The following SLC25A21 variants were observed in gnomAD, a reference collection of about 807,000 sequenced individuals.
SLC25A21 encodes solute carrier family 25 member 21, also known as mitochondrial 2-oxodicarboxylate carrier.
In SLC25A21, 47 loss-of-function variants were observed where a neutral mutation model predicts 43.8. The ratio of observed to expected loss-of-function variants is 1.07; its 90% CI spans 0.85 to 1.37. The LOEUF is 1.37. Ranked by LOEUF, SLC25A21 falls within the 40% of genes most tolerant of loss-of-function variation. SLC25A21 has a pLI of 0.00. For synonymous variants in SLC25A21, 131 were observed against 121.3 expected, an observed-to-expected ratio of 1.08 and a Z score of -0.52; for missense variants, 352 against 350.2, an observed-to-expected ratio of 1.00 and a Z score of -0.04.
At chr14:37,056,475 C>T (rs1173119540) in intron 1 of SLC25A21, among the ~76,000 whole-genome samples, 1 of 146,360 alleles carries the variant, frequency 6.8e-6, no homozygotes, top group Non-Finnish European at 1.5e-5. Context: ...TGGGCGACAG[C>T]GAGACTCCAT....
At chr14:37,100,232 T>C (rs1369645591) in intron 1 of SLC25A21, among the ~76,000 whole-genome samples, 1 of 152,128 alleles carries the variant, frequency 6.6e-6, no homozygotes, top group Non-Finnish European at 1.5e-5. Flanking sequence ...CTAATTTTTG[T>C]ATTTTTAGTA....
At chr14:37,008,217 G>T (rs550600396) in intron 1 of SLC25A21, among the ~76,000 whole-genome samples, 1 of 152,268 alleles carries the variant, frequency 6.6e-6, no homozygotes, top group South Asian at 2.1e-4. Flanking sequence ...ACTCATGGTT[G>T]AAAGAGACTA....
At chr14:37,073,087 G>A (rs1962207227) in intron 1 of SLC25A21, among the ~76,000 whole-genome samples, 1 of 152,180 alleles carries the variant, frequency 6.6e-6, no homozygotes. Context: ...AACAGCTAGT[G>A]CAAATAGATC....
chr14:37,154,091 A>G (rs1323792514), intron 1 of SLC25A21, among the ~76,000 whole-genome samples: 1 of 152,082 alleles, frequency 6.6e-6, no homozygotes, highest in Non-Finnish European at 1.5e-5. Flanking sequence ...AGTAACCACA[A>G]GTACAGGTGG....
At chr14:36,787,859 A>C (rs1369640516) in intron 3 of SLC25A21, among the ~76,000 whole-genome samples, 4 of 152,186 alleles carry the variant, frequency 2.6e-5, no homozygotes, top group Non-Finnish European at 4.4e-5. Context: ...GCAAGTACAA[A>C]TAGTTTCTGT....
intron 7 of SLC25A21, among the ~76,000 whole-genome samples, chr14:36,706,771 A>G (rs1175726630): frequency 6.6e-6 from 1 of 151,936 alleles, no homozygotes; most frequent in Non-Finnish European, 1.5e-5. Context: ...AAATCAGCCC[A>G]CTTCTCCCTG....
chr14:36,942,979 T>C (rs1159988678), intron 1 of SLC25A21, among the ~76,000 whole-genome samples: 1 of 152,026 alleles, frequency 6.6e-6, no homozygotes, highest in Non-Finnish European at 1.5e-5. Flanking sequence ...CTGGGGAAGG[T>C]ATGGTTCCAG....
chr14:37,118,726 A>G (rs1963151363), intron 1 of SLC25A21, among the ~76,000 whole-genome samples: 1 of 152,158 alleles, frequency 6.6e-6, no homozygotes, highest in Non-Finnish European at 1.5e-5. Context: ...TAGGGTTTTT[A>G]TACTTATTCC....
intron 5 of SLC25A21, among the ~76,000 whole-genome samples, chr14:36,726,074 T>C (rs1173931411): frequency 6.6e-6 from 1 of 152,204 alleles, no homozygotes. Context: ...TTATTGAGCA[T>C]ATAAGAAATC....
intron 1 of SLC25A21, among the ~76,000 whole-genome samples, chr14:37,086,855 T>C (rs953165781): frequency 6.6e-6 from 1 of 152,176 alleles, no homozygotes; most frequent in Admixed American, 6.5e-5. Flanking sequence ...TCATAATACA[T>C]CAATTAAAAA....
At chr14:37,064,430 CTCTT>C (rs1962016334) in intron 1 of SLC25A21, among the ~76,000 whole-genome samples, 1 of 152,106 alleles carries the variant, frequency 6.6e-6, no homozygotes, top group South Asian at 2.1e-4. Flanking sequence ...CTCTCTCTCT[CTCTT>C]TTTCTACCTT....
intron 3 of SLC25A21, among the ~76,000 whole-genome samples, chr14:36,796,967 T>C (rs1338062652): frequency 6.6e-6 from 1 of 152,182 alleles, no homozygotes; most frequent in Admixed American, 6.5e-5. Flanking sequence ...CTTACTTTTT[T>C]CCTTCTATCT....
intron 1 of SLC25A21, among the ~76,000 whole-genome samples, chr14:36,977,769 T>G (rs1959912899): frequency 1.3e-5 from 2 of 152,180 alleles, no homozygotes; most frequent in South Asian, 4.1e-4. Context: ...TTACTTAATT[T>G]TCAAAGCTGA....
intron 3 of SLC25A21, among the ~76,000 whole-genome samples, chr14:36,777,502 A>C (rs892312868): frequency 1.3e-5 from 2 of 152,158 alleles, no homozygotes; most frequent in Non-Finnish European, 2.9e-5. Flanking sequence ...TCCTGGATTA[A>C]ACTGGGCCCT....
intron 1 of SLC25A21, among the ~76,000 whole-genome samples, chr14:37,119,318 G>A (rs1055095030): frequency 6.6e-6 from 1 of 152,156 alleles, no homozygotes; most frequent in African/African-American, 2.4e-5. Context: ...GGAAGCTGAG[G>A]CAGGTGGATC....
intron 1 of SLC25A21, among the ~76,000 whole-genome samples, chr14:36,925,151 G>T (rs188108140): frequency 1.1e-4 from 17 of 152,166 alleles, no homozygotes; most frequent in Non-Finnish European, 1.6e-4. Context: ...TCAAAAGAAT[G>T]CAAGGATAGG....
chr14:36,918,965 A>G (rs997916447), intron 1 of SLC25A21, among the ~76,000 whole-genome samples: 9 of 152,090 alleles, frequency 5.9e-5, no homozygotes, highest in African/African-American at 2.2e-4. Context: ...GAACTTCTAG[A>G]TAGTCACTAA....
chr14:36,925,278 A>G (rs1892099329), intron 1 of SLC25A21, among the ~76,000 whole-genome samples: 1 of 152,224 alleles, frequency 6.6e-6, no homozygotes, highest in Admixed American at 6.5e-5. Context: ...GATTGCAATT[A>G]CATGGCAGTG....
chr14:36,922,136 C>G (rs1365755959), intron 1 of SLC25A21, among the ~76,000 whole-genome samples: 1 of 117,260 alleles, frequency 8.5e-6, no homozygotes, highest in East Asian at 3.1e-4. Flanking sequence ...GAGATTCTGC[C>G]TAAAAAAAAA....
Sources: allele counts gnomAD v4.1 joint callset (sites outside exome capture counted in the v4.1 genomes callset), GRCh38; gene constraint gnomAD v4.1.1; transcripts MANE v1.5; gene names NCBI Gene and HGNC (gene_info 2026-07-23, HGNC 2026-07-21).